Variants in ATG5 observed in about 807,000 individuals in gnomAD.
ATG5 encodes autophagy protein 5.
A neutral mutation model predicts 36.5 loss-of-function variants in ATG5; 14 were observed. That is an observed-to-expected ratio of 0.38 (90% CI 0.25 to 0.60). The LOEUF is 0.60. ATG5 is among the 20% of genes least tolerant of loss of function. The pLI is 0.60. For missense variants in ATG5, 195 were observed against 326.7 expected (o/e 0.60, Z 3.11); for synonymous variants, 95 against 101.5 (o/e 0.94, Z 0.38).
At chr6:106,259,666 C>G (rs931733465) in intron 5 of ATG5, among the ~76,000 whole-genome samples, 3 of 152,102 alleles carry the variant, frequency 2.0e-5, no homozygotes, top group African/African-American at 7.2e-5. Context: ...CCTTTTTCAT[C>G]TTTCAAAAAA....
intron 1 of ATG5, among the ~76,000 whole-genome samples, chr6:106,317,193 AT>A (rs1406970297): frequency 3.3e-5 from 5 of 152,234 alleles, no homozygotes. Flanking sequence ...GCTGAAATAA[AT>A]ATTGTTGATA....
chr6:106,246,912 C>T (rs530419178), intron 6 of ATG5, among the ~76,000 whole-genome samples: 3 of 152,212 alleles, frequency 2.0e-5, no homozygotes, highest in East Asian at 3.9e-4. Flanking sequence ...AATTCAAATG[C>T]CGGGCACTTT....
intron 6 of ATG5, among the ~76,000 whole-genome samples, chr6:106,231,879 G>A (rs1777707938): frequency 6.6e-6 from 1 of 152,190 alleles, no homozygotes; most frequent in African/African-American, 2.4e-5. Flanking sequence ...CCTCAGGCAA[G>A]CGGACTTTGG....
intron 7 of ATG5, among the ~76,000 whole-genome samples, chr6:106,194,344 C>A (rs569790675): frequency 6.6e-6 from 1 of 152,152 alleles, no homozygotes; most frequent in South Asian, 2.1e-4. Flanking sequence ...GAGATACTAA[C>A]AAGCTTCAAT....
intron 4 of ATG5, 58 bp downstream of exon 4, chr6:106,292,970 C>T (rs1780374068): frequency 3.7e-6 from 5 of 1,367,194 alleles, no homozygotes; most frequent in African/African-American, 1.5e-5. Context: ...AAATTCTACT[C>T]GAAGTCTATT....
chr6:106,237,636 T>C (rs528179603), intron 6 of ATG5, among the ~76,000 whole-genome samples: 57 of 152,294 alleles, frequency 3.7e-4, no homozygotes, highest in African/African-American at 1.3e-3. Context: ...TCACTCTACA[T>C]CCCATAATAC....
At chr6:106,242,903 G>A (rs1380789752) in intron 6 of ATG5, among the ~76,000 whole-genome samples, 2 of 152,072 alleles carry the variant, frequency 1.3e-5, no homozygotes, top group African/African-American at 4.8e-5. Flanking sequence ...TATCAACATC[G>A]CTAAAACCCT....
At chr6:106,283,569 G>A (rs932026505) in intron 4 of ATG5, 3 of 152,086 alleles carry the variant, frequency 2.0e-5, no homozygotes, top group African/African-American at 7.3e-5. Context: ...TTGCTCCCAG[G>A]AGGTCACCGT....
At chr6:106,238,873 G>A (rs753955927) in intron 6 of ATG5, among the ~76,000 whole-genome samples, 33 of 152,068 alleles carry the variant, frequency 2.2e-4, no homozygotes, top group Non-Finnish European at 3.8e-4. Context: ...GAAGGTCAAC[G>A]TTATGGAATG....
intron 5 of ATG5, among the ~76,000 whole-genome samples, chr6:106,253,576 T>C (rs1393603341): frequency 6.6e-6 from 1 of 152,174 alleles, no homozygotes; most frequent in Non-Finnish European, 1.5e-5. Context: ...AATCAATATA[T>C]ATTTAGACTG....
chr6:106,309,214 C>T (rs1032739644), intron 2 of ATG5, among the ~76,000 whole-genome samples: 1 of 152,154 alleles, frequency 6.6e-6, no homozygotes, highest in Non-Finnish European at 1.5e-5. Context: ...CTTTGTTATT[C>T]TTTTGGCTGC....
chr6:106,313,375 A>G (rs908489397), intron 2 of ATG5, among the ~76,000 whole-genome samples: 1 of 152,236 alleles, frequency 6.6e-6, no homozygotes, highest in Non-Finnish European at 1.5e-5. Context: ...AATAGGGCAG[A>G]CACCTGACTA....
At chr6:106,305,265 T>C (rs368686168) in intron 3 of ATG5, among the ~76,000 whole-genome samples, 1 of 152,184 alleles carries the variant, frequency 6.6e-6, no homozygotes, top group African/African-American at 2.4e-5. Context: ...CTATTATCTA[T>C]AACTAACTTT....
At chr6:106,200,510 T>C (rs1212142898) in intron 7 of ATG5, among the ~76,000 whole-genome samples, 2 of 151,732 alleles carry the variant, frequency 1.3e-5, no homozygotes, top group African/African-American at 2.4e-5. Flanking sequence ...AGTCTCACTC[T>C]GTCACCAAGG....
intron 6 of ATG5, among the ~76,000 whole-genome samples, chr6:106,218,513 C>A (rs889280388): frequency 6.6e-6 from 1 of 152,250 alleles, no homozygotes; most frequent in East Asian, 1.9e-4. Context: ...ACTAAAAACT[C>A]TAATAATGGT....
chr6:106,209,701 T>C (rs1167586505), intron 6 of ATG5, among the ~76,000 whole-genome samples: 2 of 152,234 alleles, frequency 1.3e-5, no homozygotes, highest in African/African-American at 4.8e-5. Flanking sequence ...GTAAGGTTTG[T>C]GGATTATATT....
intron 6 of ATG5, among the ~76,000 whole-genome samples, chr6:106,224,776 G>A (rs1777385074): frequency 6.6e-6 from 1 of 152,204 alleles, no homozygotes; most frequent in South Asian, 2.1e-4. Flanking sequence ...AGCTACTCAG[G>A]AGGCTGAGGT....
chr6:106,246,154 G>A (rs1433788164), intron 6 of ATG5, among the ~76,000 whole-genome samples: 7 of 152,186 alleles, frequency 4.6e-5, no homozygotes, highest in Admixed American at 2.0e-4. Context: ...AGTTATGTAG[G>A]TCAAATGAGA....
intron 6 of ATG5, among the ~76,000 whole-genome samples, chr6:106,217,141 C>T (rs1777072236): frequency 1.3e-5 from 2 of 151,808 alleles, no homozygotes; most frequent in South Asian, 4.1e-4. Context: ...AAGTCAAGAA[C>T]CCCAAAACAA....
Sources: allele counts gnomAD v4.1 joint callset (sites outside exome capture counted in the v4.1 genomes callset), GRCh38; gene constraint gnomAD v4.1.1; transcripts MANE v1.5; gene names NCBI Gene and HGNC (gene_info 2026-07-23, HGNC 2026-07-21).